The following ANXA5 variants were observed in gnomAD, a reference collection of about 807,000 sequenced individuals.
The protein encoded by ANXA5 is CBP-I.
Under a neutral mutation model 48.1 loss-of-function variants are expected in ANXA5, and 40 were observed. That is an observed-to-expected ratio of 0.83 (90% CI 0.65 to 1.08). The LOEUF (loss-of-function observed/expected upper bound fraction) is 1.08. Among genes scored for constraint, ANXA5 ranks in the 50% least tolerant of loss-of-function variants. The probability of loss-of-function intolerance (pLI) is 0.00; values close to 1 mark genes in which losing one functional copy is unlikely to be tolerated. For synonymous variants in ANXA5, 113 were observed against 129.1 expected, an observed-to-expected ratio of 0.88 and a Z score of 0.85; for missense variants, 357 against 376.8, an observed-to-expected ratio of 0.95 and a Z score of 0.44.
At chr4:121,678,976 T>C (rs1724746069) in intron 6 of ANXA5, among the ~76,000 whole-genome samples, 1 of 152,176 alleles carries the variant, frequency 6.6e-6, no homozygotes, top group Non-Finnish European at 1.5e-5. Context: ...GAGACAGCAA[T>C]GATATTTTAA....
intron 2 of ANXA5, among the ~76,000 whole-genome samples, chr4:121,691,281 T>TC (rs1724979852): frequency 6.6e-6 from 1 of 151,716 alleles, no homozygotes; most frequent in African/African-American, 2.4e-5. Context: ...GCTTTTTTTT[T>TC]CTCTAAATGA....
At position 121,696,565 on chromosome 4, in the gene ANXA5, G is replaced by T; in HGVS notation, c.9+16C>A. 2 of 1,396,952 alleles carry T rather than the reference G, an allele frequency of 1.4e-6. No individual in the cohort carries two copies. Among genetic ancestry groups the T allele is most frequent in the South Asian group, 1.9e-5 (1 of 53,172 alleles). The allele number at this position is 1,396,952 out of a possible 1,614,324, so 86.5% of individuals were successfully genotyped here. A position where few individuals can be genotyped will look rare whatever the true frequency, so the allele number is the denominator to read the frequency against. On this transcript the variant is annotated intron_variant, in intron 2 of 12. Transcript: ENST00000296511. Reference sequence around the variant, plus strand: ...TTGTGGGTAAATCCAGCGCAGTGGGGGGCGCACGGCCTTACCTGTGCCATG... The same window carrying T: ...TTGTGGGTAAATCCAGCGCAGTGGGTGGCGCACGGCCTTACCTGTGCCATG...
intron 7 of ANXA5, 87 bp downstream of exon 7, chr4:121,678,328 G>C (rs1724731253): frequency 9.4e-7 from 1 of 1,068,368 alleles, no homozygotes; most frequent in Admixed American, 2.3e-5. Context: ...ATTATTAAAA[G>C]AATTTTAAGT....
intron 9 of ANXA5, 75 bp from the exon 10 acceptor site, chr4:121,671,717 G>T: frequency 1.9e-6 from 2 of 1,040,170 alleles, no homozygotes; most frequent in Non-Finnish European, 1.5e-6. Flanking sequence ...ACTTTGATTA[G>T]GTAGTGTCTT....
rs1724578478 is a variant in ANXA5 at position 121,669,658 on chromosome 4, T to C, written c.847A>G (p.Asn283Asp). Residue 283 changes from asparagine (N) to aspartate (D), a missense_variant, in exon 12 of 13, where the codon AAC (asparagine) becomes GAC (aspartate). Coordinates refer to ENST00000296511, the MANE Select transcript of ANXA5 (RefSeq NM_001154.4). ...MVSRSEIDLF[N>D]IRKEFRKNFA... Reference sequence around the variant, plus strand: ...TTCTTCCTAAACTCCTTCCTGATGTTAAACAGATCAATCTCACTCCTGGAA... The same window carrying C: ...TTCTTCCTAAACTCCTTCCTGATGTCAAACAGATCAATCTCACTCCTGGAA... 6.2e-7 allele frequency: 1 copy of C among 1,613,018 alleles called. No homozygotes were observed. The highest frequency in any genetic ancestry group is 1.3e-5 in the African/African-American group (1 of 74,798).
chr4:121,696,695 C>T, intron 1 of ANXA5, 71 bp from the exon 2 acceptor site: 1 of 1,092,646 alleles, frequency 9.2e-7, no homozygotes. Flanking sequence ...CGCAGGTCCG[C>T]GGGGACCCGG....
chr4:121,669,803 G>C, intron 11 of ANXA5, 79 bp from the exon 12 acceptor site: 2 of 1,527,140 alleles, frequency 1.3e-6, no homozygotes, highest in Non-Finnish European at 8.9e-7. Context: ...GGGTGCGGGT[G>C]AATCAATAAG....
chr4:121,669,749 A>G, intron 11 of ANXA5, 25 bp from the exon 12 acceptor site: 1 of 1,580,716 alleles, frequency 6.3e-7, no homozygotes, highest in Non-Finnish European at 8.5e-7. Flanking sequence ...AAAAAGAGAG[A>G]AGCAAAATGC....
chr4:121,684,042 A>G (rs1283515611), intron 4 of ANXA5, among the ~76,000 whole-genome samples: 1 of 152,040 alleles, frequency 6.6e-6, no homozygotes, highest in African/African-American at 2.4e-5. Context: ...TCCTACCTAT[A>G]AGTTTCAGCA....
At chr4:121,696,237 G>A (rs780463100) in intron 2 of ANXA5, among the ~76,000 whole-genome samples, 5 of 152,128 alleles carry the variant, frequency 3.3e-5, no homozygotes, top group Non-Finnish European at 7.3e-5. Flanking sequence ...TTCTTGCTCC[G>A]GTTCTAATTT....
chr4:121,686,468 G>A (rs1724892692), intron 2 of ANXA5, 96 bp from the exon 3 acceptor site: 1 of 864,970 alleles, frequency 1.2e-6, no homozygotes, highest in African/African-American at 1.7e-5. Context: ...ATCATATTCA[G>A]TCATTAAATA....
chr4:121,691,547 C>T (rs964187462), intron 2 of ANXA5, among the ~76,000 whole-genome samples: 1 of 151,996 alleles, frequency 6.6e-6, no homozygotes, highest in Non-Finnish European at 1.5e-5. Flanking sequence ...ACCCTCCCCC[C>T]ACCTCCAGCA....
intron 9 of ANXA5, among the ~76,000 whole-genome samples, chr4:121,672,320 A>G (rs1244163312): frequency 6.6e-6 from 1 of 152,202 alleles, no homozygotes; most frequent in African/African-American, 2.4e-5. Flanking sequence ...GCCATCCTCC[A>G]ATAGTGAAGG....
intron 2 of ANXA5, among the ~76,000 whole-genome samples, chr4:121,694,703 A>G (rs1451175706): frequency 1.3e-5 from 2 of 152,196 alleles, no homozygotes; most frequent in Non-Finnish European, 2.9e-5. Flanking sequence ...ATTTTAACAA[A>G]ATGTTTTACT....
intron 2 of ANXA5, among the ~76,000 whole-genome samples, chr4:121,689,137 G>A (rs992225921): frequency 3.9e-5 from 6 of 152,182 alleles, no homozygotes; most frequent in Admixed American, 2.6e-4. Flanking sequence ...AGAAGATGAT[G>A]CTCAAAATTA....
At chr4:121,677,767 T>C in intron 8 of ANXA5, 127 bp downstream of exon 8, 1 of 834,676 alleles carries the variant, frequency 1.2e-6, no homozygotes, top group Non-Finnish European at 2.0e-6. Flanking sequence ...TCTTATGCTA[T>C]GTAAATAACC....
chr4:121,685,006 C>T (rs1375735829), intron 3 of ANXA5, among the ~76,000 whole-genome samples: 3 of 148,116 alleles, frequency 2.0e-5, no homozygotes, highest in Admixed American at 6.8e-5. Context: ...ATAGTGAGAC[C>T]CCCATCTCTT....
rs1346124618 is a variant in ANXA5 at position 121,678,417 on chromosome 4, G to A, written c.472C>T (p.Gln158Ter). ...YYQRMLVVLL[Q>*]ANRDPDAGID... ...TGTAATTAATCTCCACGCAATACCTGAAGGAGAACCACCAACATCCGCTGG... is the reference window on the plus strand; with the variant it reads ...TGTAATTAATCTCCACGCAATACCTAAAGGAGAACCACCAACATCCGCTGG... The change falls in exon 7 of 13, where the codon CAG becomes TAG. Residue 158 changes from glutamine (Q) to a stop codon, truncating the protein, a stop_gained and splice_region_variant. Transcript: ENST00000296511. LOFTEE classifies it high-confidence loss of function. 5 of 1,612,844 alleles carry A rather than the reference G, an allele frequency of 3.1e-6. No homozygotes were observed. The highest frequency in any genetic ancestry group is 4.2e-6 in the Non-Finnish European group (5 of 1,179,322).
intron 6 of ANXA5, among the ~76,000 whole-genome samples, chr4:121,679,842 T>C (rs1724760230): frequency 6.6e-6 from 1 of 152,212 alleles, no homozygotes; most frequent in South Asian, 2.1e-4. Context: ...CACAATCAAG[T>C]TAATCAGCAT....
Sources: gnomAD v4.1 joint callset for allele counts (sites outside exome capture counted in the v4.1 genomes callset) on GRCh38, gnomAD v4.1.1 for gene constraint, MANE v1.5 for transcripts, NCBI Gene and HGNC (gene_info 2026-07-23, HGNC 2026-07-21) for gene names.